Variants in DNAH12 observed in about 807,000 individuals in gnomAD.
The protein encoded by DNAH12 is dynein axonemal heavy chain 12.
DNAH12 carries 285 observed loss-of-function variants against 371.5 expected under a neutral mutation model. The observed-to-expected ratio is 0.77, with a 90% CI of 0.70 to 0.85. The LOEUF is 0.85. DNAH12 is among the 40% of genes least tolerant of loss of function. The pLI is 0.00. For synonymous variants in DNAH12, 1,200 were observed against 1,213.0 expected, an observed-to-expected ratio of 0.99 and a Z score of 0.22; for missense variants, 3,611 against 3,689.4, an observed-to-expected ratio of 0.98 and a Z score of 0.55.
At chr3:57,496,467 C>T (rs753028794) in intron 11 of DNAH12, among the ~76,000 whole-genome samples, 5 of 152,148 alleles carry the variant, frequency 3.3e-5, no homozygotes, top group Middle Eastern at 3.4e-3. Flanking sequence ...CAAAATTCAG[C>T]GCCCTCCCAT....
At chr3:57,540,927 C>T (rs535015922) in intron 2 of DNAH12, among the ~76,000 whole-genome samples, 122 of 150,276 alleles carry the variant, frequency 8.1e-4, no homozygotes, top group African/African-American at 2.7e-3. Context: ...AAGACCCTGT[C>T]TCAAAAAGAA....
At chr3:57,304,463 CCT>C (rs1192047068) in intron 69 of DNAH12, among the ~76,000 whole-genome samples, 1 of 152,108 alleles carries the variant, frequency 6.6e-6, no homozygotes, top group African/African-American at 2.4e-5. Context: ...TATCCCTCAA[CCT>C]CTTTCTCCTT....
At chr3:57,403,040 G>T (rs782794932) in intron 43 of DNAH12, among the ~76,000 whole-genome samples, 1 of 152,148 alleles carries the variant, frequency 6.6e-6, no homozygotes, top group African/African-American at 2.4e-5. Flanking sequence ...TGTGTCACAT[G>T]TCACTCAGCT....
chr3:57,513,755 A>T (rs569222887), intron 4 of DNAH12, among the ~76,000 whole-genome samples: 5 of 152,328 alleles, frequency 3.3e-5, no homozygotes, highest in African/African-American at 1.2e-4. Context: ...CTGAGATACC[A>T]TCTGTCACAT....
intron 15 of DNAH12, 116 bp downstream of exon 15, chr3:57,471,356 T>C (rs983580352): frequency 3.3e-6 from 3 of 900,182 alleles, no homozygotes; most frequent in South Asian, 3.6e-5. Context: ...TAGAAAAATA[T>C]AGAGTAAACA....
chr3:57,493,390 T>C (rs1327149704), intron 11 of DNAH12, among the ~76,000 whole-genome samples: 4 of 152,200 alleles, frequency 2.6e-5, no homozygotes, highest in African/African-American at 4.8e-5. Flanking sequence ...GTTTAAAGTA[T>C]ACTGGAGGAT....
At position 57,408,466 on chromosome 3, in the gene DNAH12, T is replaced by C. The variant is rs2064105599; in HGVS notation, c.6090A>G (p.Pro2030=). 2 of 1,551,544 alleles carry C rather than the reference T, an allele frequency of 1.3e-6. No individual in the cohort carries two copies. Among genetic ancestry groups the C allele is most frequent in the East Asian group, 4.9e-5 (2 of 40,904 alleles). Residue 2030 remains proline (P), a synonymous_variant, in exon 40 of 74, where the codon CCA becomes CCG. Coordinates refer to ENST00000495027, the MANE Select transcript of DNAH12 (RefSeq NM_001366028.2). The part of the protein sequence containing the change: ...DIELIAAMGP[P]GGGRNPVTPR... ...GAGTAACTGGATTTCTTCCACCACC[T>C]GGAGGGCCCATTGCAGCAATCAGCT...
intron 4 of DNAH12, among the ~76,000 whole-genome samples, chr3:57,513,755 A>G (rs569222887): frequency 6.6e-6 from 1 of 152,210 alleles, no homozygotes; most frequent in Admixed American, 6.5e-5. Context: ...CTGAGATACC[A>G]TCTGTCACAT....
intron 34 of DNAH12, chr3:57,428,228 T>C (rs574046177): frequency 1.8e-6 from 1 of 569,120 alleles, no homozygotes; most frequent in African/African-American, 2.1e-5. Context: ...ACCGTGGCTG[T>C]AGCTTTAGCC....
chr3:57,448,043 G>A (rs73076462), intron 25 of DNAH12, among the ~76,000 whole-genome samples: 16,120 of 152,028 alleles, frequency 0.11, 1,010 homozygotes, highest in South Asian at 0.15. Context: ...GAAAACCTCG[G>A]GCTCTTCCTT....
At chr3:57,466,451 G>A (rs1380299516) in intron 17 of DNAH12, among the ~76,000 whole-genome samples, 1 of 152,170 alleles carries the variant, frequency 6.6e-6, no homozygotes, top group African/African-American at 2.4e-5. Flanking sequence ...GAATCTCTGA[G>A]ATGAATAGAC....
chr3:57,477,790 C>T (rs573106629), intron 13 of DNAH12, among the ~76,000 whole-genome samples: 1 of 152,282 alleles, frequency 6.6e-6, no homozygotes, highest in East Asian at 1.9e-4. Context: ...CTGCAGCAAC[C>T]GCTGCTGATA....
intron 60 of DNAH12, among the ~76,000 whole-genome samples, chr3:57,337,776 T>C (rs1354761809): frequency 6.6e-6 from 1 of 152,114 alleles, no homozygotes; most frequent in Admixed American, 6.6e-5. Flanking sequence ...ACAACAACAG[T>C]TGGAGACTTC....
chr3:57,519,332 T>C (rs2068322261), intron 4 of DNAH12, among the ~76,000 whole-genome samples: 1 of 152,176 alleles, frequency 6.6e-6, no homozygotes, highest in South Asian at 2.1e-4. Flanking sequence ...ATGAAACTGA[T>C]TCCACAGCCT....
intron 4 of DNAH12, among the ~76,000 whole-genome samples, chr3:57,520,535 C>A (rs1160170874): frequency 6.6e-6 from 1 of 151,702 alleles, no homozygotes; most frequent in African/African-American, 2.4e-5. Context: ...CTCCGCCTCC[C>A]GGGTTGACGC....
chr3:57,319,697 T>C (rs898956324), intron 65 of DNAH12, among the ~76,000 whole-genome samples: 31 of 151,910 alleles, frequency 2.0e-4, no homozygotes, highest in African/African-American at 7.0e-4. Context: ...CTCCTGCCTC[T>C]TCCTGAGTAA....
intron 4 of DNAH12, among the ~76,000 whole-genome samples, chr3:57,517,437 C>T (rs947869598): frequency 1.3e-5 from 2 of 151,766 alleles, no homozygotes; most frequent in Non-Finnish European, 2.9e-5. Flanking sequence ...TTCTCAATAC[C>T]CCAAACCTAT....
the DNAH12 span, among the ~76,000 whole-genome samples, chr3:57,551,871 AAACTT>A: frequency 3.3e-5 from 5 of 152,138 alleles, no homozygotes; most frequent in Non-Finnish European, 5.9e-5. Context: ...CAAAGTATAT[AAACTT>A]AAGTTTAATA....
At chr3:57,356,703 T>C (rs2062809604) in intron 59 of DNAH12, among the ~76,000 whole-genome samples, 7 of 151,982 alleles carry the variant, frequency 4.6e-5, no homozygotes, top group African/African-American at 1.7e-4. Flanking sequence ...TTTGATTATC[T>C]TTCATGTCTT....
Sources: allele counts gnomAD v4.1 joint callset (sites outside exome capture counted in the v4.1 genomes callset), GRCh38; gene constraint gnomAD v4.1.1; transcripts MANE v1.5; gene names NCBI Gene and HGNC (gene_info 2026-07-23, HGNC 2026-07-21).